Variants in CHCHD6 observed in about 807,000 individuals in gnomAD.
CHCHD6 encodes MICOS complex subunit MIC25.
In CHCHD6, 28 loss-of-function variants were observed where a neutral mutation model predicts 32.3. The observed-to-expected ratio is 0.87, with a 90% CI of 0.64 to 1.19. CHCHD6 has a LOEUF of 1.19. Ranked by LOEUF, CHCHD6 falls within the 50% of genes most tolerant of loss-of-function variation. The probability of loss-of-function intolerance (pLI) is 0.00; values close to 1 mark genes in which losing one functional copy is unlikely to be tolerated. For synonymous variants in CHCHD6, 122 were observed against 117.5 expected, an observed-to-expected ratio of 1.04 and a Z score of -0.25; for missense variants, 333 against 307.0, an observed-to-expected ratio of 1.08 and a Z score of -0.63.
chr3:126,724,528 T>G (rs1385904929), intron 1 of CHCHD6, among the ~76,000 whole-genome samples: 1 of 152,188 alleles, frequency 6.6e-6, no homozygotes, highest in Non-Finnish European at 1.5e-5. Flanking sequence ...GGGTCTTGCC[T>G]CCTTGTTGAT....
At chr3:126,744,586 C>T (rs1176548160) in intron 4 of CHCHD6, among the ~76,000 whole-genome samples, 1 of 152,204 alleles carries the variant, frequency 6.6e-6, no homozygotes, top group African/African-American at 2.4e-5. Context: ...TTGGCAGTGG[C>T]TTAAAGTGGA....
chr3:126,849,218 C>A (rs1423811805), intron 4 of CHCHD6, among the ~76,000 whole-genome samples: 2 of 152,256 alleles, frequency 1.3e-5, no homozygotes, highest in Non-Finnish European at 2.9e-5. Flanking sequence ...TGGCTTCAGG[C>A]CCCCGCTTGT....
chr3:126,725,551 G>A (rs1161367855), intron 1 of CHCHD6, among the ~76,000 whole-genome samples: 1 of 152,190 alleles, frequency 6.6e-6, no homozygotes, highest in Non-Finnish European at 1.5e-5. Flanking sequence ...GTCACCAACT[G>A]CATTACCCCC....
intron 5 of CHCHD6, among the ~76,000 whole-genome samples, chr3:126,881,894 G>A (rs2107573472): frequency 6.6e-6 from 1 of 152,328 alleles, no homozygotes; most frequent in South Asian, 2.1e-4. Context: ...TCTGGGTGGG[G>A]TGACTGCTAC....
intron 4 of CHCHD6, among the ~76,000 whole-genome samples, chr3:126,847,091 G>A (rs9866383): frequency 0.33 from 50,473 of 151,964 alleles, 10,781 homozygotes; most frequent in African/African-American, 0.61. Flanking sequence ...TTAGTTAACA[G>A]TTACTAAGTA....
At chr3:126,752,885 A>G (rs1022531572) in intron 4 of CHCHD6, among the ~76,000 whole-genome samples, 2 of 152,080 alleles carry the variant, frequency 1.3e-5, no homozygotes, top group African/African-American at 4.8e-5. Context: ...GGGTTTTATG[A>G]TGGGCTGGGC....
At chr3:126,910,143 G>A (rs1204237767) in intron 5 of CHCHD6, among the ~76,000 whole-genome samples, 1 of 152,002 alleles carries the variant, frequency 6.6e-6, no homozygotes, top group African/African-American at 2.4e-5. Context: ...TGGGCAGGAT[G>A]GCACACTCCT....
chr3:126,713,864 G>C (rs1337334698), intron 1 of CHCHD6, among the ~76,000 whole-genome samples: 2 of 151,932 alleles, frequency 1.3e-5, no homozygotes, highest in South Asian at 2.1e-4. Flanking sequence ...AAGTTGGGAG[G>C]CTTTAGATCG....
intron 1 of CHCHD6, among the ~76,000 whole-genome samples, chr3:126,721,177 T>C (rs2107654350): frequency 6.6e-6 from 1 of 152,316 alleles, no homozygotes; most frequent in African/African-American, 2.4e-5. Flanking sequence ...CGTGGTGATG[T>C]TTCCTTGCTC....
At chr3:126,825,284 T>A (rs1374207004) in intron 4 of CHCHD6, among the ~76,000 whole-genome samples, 1 of 152,226 alleles carries the variant, frequency 6.6e-6, no homozygotes, top group East Asian at 1.9e-4. Context: ...ATATACATTG[T>A]ATGATTTCAG....
chr3:126,845,715 C>T (rs914671533), intron 4 of CHCHD6, among the ~76,000 whole-genome samples: 3 of 152,006 alleles, frequency 2.0e-5, no homozygotes, highest in South Asian at 2.1e-4. Flanking sequence ...CTGATTTTTG[C>T]TCCGTCCAAT....
chr3:126,801,540 G>C (rs1020792774), intron 4 of CHCHD6, among the ~76,000 whole-genome samples: 2 of 152,238 alleles, frequency 1.3e-5, no homozygotes, highest in Non-Finnish European at 2.9e-5. Context: ...GGCTTGCTTA[G>C]GTAAACAAAG....
At chr3:126,882,176 C>G (rs1350264540) in intron 5 of CHCHD6, among the ~76,000 whole-genome samples, 1 of 152,164 alleles carries the variant, frequency 6.6e-6, no homozygotes, top group East Asian at 1.9e-4. Flanking sequence ...CCTCAGAGCC[C>G]CAAGCTATCC....
intron 4 of CHCHD6, among the ~76,000 whole-genome samples, chr3:126,758,219 C>T (rs1364443570): frequency 6.6e-6 from 1 of 152,224 alleles, no homozygotes; most frequent in African/African-American, 2.4e-5. Context: ...CTTTCTGTGG[C>T]CATCAGCGCC....
At chr3:126,783,803 A>G (rs1295768736) in intron 4 of CHCHD6, among the ~76,000 whole-genome samples, 1 of 152,062 alleles carries the variant, frequency 6.6e-6, no homozygotes, top group Non-Finnish European at 1.5e-5. Flanking sequence ...TGAGAGGTGC[A>G]GCTTGGGGCC....
intron 1 of CHCHD6, among the ~76,000 whole-genome samples, chr3:126,716,870 C>T (rs969797514): frequency 4.6e-5 from 7 of 152,140 alleles, no homozygotes; most frequent in Non-Finnish European, 7.3e-5. Flanking sequence ...GTGCAGTCCC[C>T]TTTGAGGCTG....
chr3:126,801,252 G>A (rs575884264), intron 4 of CHCHD6, among the ~76,000 whole-genome samples: 2 of 152,344 alleles, frequency 1.3e-5, no homozygotes, highest in East Asian at 3.9e-4. Flanking sequence ...GCCGAAGCAG[G>A]GCGAGGCATT....
chr3:126,944,138 G>A (rs1281306821), intron 6 of CHCHD6, among the ~76,000 whole-genome samples: 1 of 152,244 alleles, frequency 6.6e-6, no homozygotes, highest in Admixed American at 6.5e-5. Context: ...CCACACACCT[G>A]GCAATAGGCG....
At chr3:126,843,745 T>C (rs1404219418) in intron 4 of CHCHD6, among the ~76,000 whole-genome samples, 1 of 152,228 alleles carries the variant, frequency 6.6e-6, no homozygotes, top group African/African-American at 2.4e-5. Flanking sequence ...ATTACATGTA[T>C]GCTAGACCAC....
Sources: allele counts gnomAD v4.1 joint callset (sites outside exome capture counted in the v4.1 genomes callset), GRCh38; gene constraint gnomAD v4.1.1; transcripts MANE v1.5; gene names NCBI Gene and HGNC (gene_info 2026-07-23, HGNC 2026-07-21).